PEAK1: variants seen among roughly 807,000 people sequenced by gnomAD.
The protein encoded by PEAK1 is pseudopodium enriched atypical kinase 1, also known as inactive tyrosine-protein kinase PEAK1.
Under a neutral mutation model 124.7 loss-of-function variants are expected in PEAK1, and 54 were observed. The observed-to-expected ratio is 0.43, with a 90% CI of 0.35 to 0.54. The LOEUF is 0.54. PEAK1 is among the 20% of genes least tolerant of loss of function. The probability of loss-of-function intolerance (pLI) is 0.01; values close to 1 mark genes in which losing one functional copy is unlikely to be tolerated. For synonymous variants in PEAK1, 719 were observed against 760.0 expected, an observed-to-expected ratio of 0.95 and a Z score of 0.89; for missense variants, 2,046 against 2,134.5, an observed-to-expected ratio of 0.96 and a Z score of 0.82.
At chr15:77,241,410 A>G (rs942719926) in intron 6 of PEAK1, among the ~76,000 whole-genome samples, 2 of 152,156 alleles carry the variant, frequency 1.3e-5, no homozygotes, top group Non-Finnish European at 2.9e-5. Context: ...TCCTCCTGAA[A>G]AGGGTGCAAG....
chr15:77,366,563 C>T (rs1467843288), intron 1 of PEAK1, among the ~76,000 whole-genome samples: 3 of 151,696 alleles, frequency 2.0e-5, no homozygotes, highest in African/African-American at 7.3e-5. Context: ...TTTTGTTTTT[C>T]GGGTTTTTCT....
At chr15:77,362,623 G>A (rs184889689) in intron 2 of PEAK1, among the ~76,000 whole-genome samples, 28 of 152,198 alleles carry the variant, frequency 1.8e-4, no homozygotes, top group African/African-American at 6.0e-4. Context: ...TGTTAAACAC[G>A]GAGTTATTAA....
At chr15:77,252,721 C>T (rs1320478218) in intron 5 of PEAK1, among the ~76,000 whole-genome samples, 195 bp from the exon 6 acceptor site, 1 of 152,096 alleles carries the variant, frequency 6.6e-6, no homozygotes, top group African/African-American at 2.4e-5. Context: ...CCATGGCATA[C>T]CAAAGAACCA....
At chr15:77,307,287 T>C (rs1161749115) in intron 2 of PEAK1, among the ~76,000 whole-genome samples, 2 of 151,920 alleles carry the variant, frequency 1.3e-5, no homozygotes, top group African/African-American at 4.8e-5. Context: ...CTGGACACAA[T>C]GTTTGGTTAA....
intron 1 of PEAK1, among the ~76,000 whole-genome samples, chr15:77,397,685 A>G (rs970918001): frequency 6.6e-6 from 1 of 152,200 alleles, no homozygotes; most frequent in Non-Finnish European, 1.5e-5. Flanking sequence ...GAAAACCTAG[A>G]AAGGACAAAT....
At chr15:77,407,505 A>G (rs546992536) in intron 1 of PEAK1, among the ~76,000 whole-genome samples, 21 of 152,332 alleles carry the variant, frequency 1.4e-4, no homozygotes, top group African/African-American at 5.1e-4. Flanking sequence ...GCCAACAAAC[A>G]TATGAAAAAA....
At position 77,403,960 on chromosome 15, in the gene PEAK1, C is replaced by A. The variant is rs866806202; in HGVS notation, c.-666+16046G>T. On this transcript the variant is annotated intron_variant, in intron 1 of 9. Coordinates refer to ENST00000682557, the MANE Select transcript of PEAK1 (RefSeq NM_001385026.1). Reference sequence around the variant, plus strand: ...TTTACAAGTTTGTTGCATGGGTAAACTGCGTGTCACAAGGGTTTGGTACAG... The same window carrying A: ...TTTACAAGTTTGTTGCATGGGTAAAATGCGTGTCACAAGGGTTTGGTACAG... 5.8e-5 allele frequency: 56 copies of A among 965,936 alleles called. No homozygotes were observed. In the Middle Eastern group the frequency reaches 3.2e-3, roughly 55 times the overall value. The allele number at this position is 965,936 out of a possible 1,614,324, so 59.8% of individuals were successfully genotyped here.
intron 2 of PEAK1, among the ~76,000 whole-genome samples, chr15:77,298,202 T>G (rs1423894987): frequency 2.0e-4 from 1 of 4,948 alleles, no homozygotes; most frequent in Non-Finnish European, 7.3e-4. Flanking sequence ...CCTTAATTTT[T>G]TTTTTTTTTT....
chr15:77,381,349 T>C (rs2069462392), intron 1 of PEAK1: 1 of 762,296 alleles, frequency 1.3e-6, no homozygotes, highest in Non-Finnish European at 1.6e-6. Context: ...CAGGAGTTAA[T>C]GGCTGTAGTG....
chr15:77,139,794 AAC>A (rs1267397377), intron 8 of PEAK1, among the ~76,000 whole-genome samples: 1 of 152,094 alleles, frequency 6.6e-6, no homozygotes, highest in Admixed American at 6.6e-5. Flanking sequence ...AACAAACAAC[AAC>A]ACACATATAT....
At chr15:77,177,182 C>G (rs1430036732) in intron 7 of PEAK1, among the ~76,000 whole-genome samples, 1 of 152,146 alleles carries the variant, frequency 6.6e-6, no homozygotes, top group Non-Finnish European at 1.5e-5. Flanking sequence ...TCTCGAACTC[C>G]TGATCTCAGG....
Position 77,180,797 on chromosome 15 carries a change from G to C in PEAK1, c.1130C>G (p.Ser377Cys), listed in dbSNP as rs558771678. Residue 377 changes from serine to cysteine, a missense_variant, in exon 7 of 10, where the codon TCT (serine) becomes TGT (cysteine). By Grantham distance (112) the Ser-to-Cys change is moderately radical (BLOSUM62 -1). Coordinates refer to ENST00000682557, the MANE Select transcript of PEAK1 (RefSeq NM_001385026.1). ...GGGCTCAATTTCCTTCATGTCCTTAGAATCTCCTGGGTTACCAGGAGATAA... is the reference window on the plus strand; with the variant it reads ...GGGCTCAATTTCCTTCATGTCCTTACAATCTCCTGGGTTACCAGGAGATAA... ...GGLSPGNPGD[S>C]KDMKEIEPNY... 2 of 1,613,998 alleles carry C rather than the reference G, an allele frequency of 1.2e-6. No individual in the cohort carries two copies. The highest frequency in any genetic ancestry group is 2.2e-5 in the South Asian group (2 of 91,074).
chr15:77,307,504 C>T (rs1308135073), intron 2 of PEAK1, among the ~76,000 whole-genome samples: 1 of 152,050 alleles, frequency 6.6e-6, no homozygotes, highest in Non-Finnish European at 1.5e-5. Flanking sequence ...TCACAAAAGC[C>T]TTCCCTTAGC....
intron 6 of PEAK1, chr15:77,239,920 GT>G: frequency 6.3e-6 from 5 of 790,620 alleles, no homozygotes; most frequent in Non-Finnish European, 7.7e-6. Context: ...CTAATTATAT[GT>G]TTCTGTTTGT....
At chr15:77,186,961 T>C (rs1341775249) in intron 6 of PEAK1, among the ~76,000 whole-genome samples, 1 of 152,192 alleles carries the variant, frequency 6.6e-6, no homozygotes, top group African/African-American at 2.4e-5. Context: ...AACTCCAGTC[T>C]CCAAAGTTAT....
chr15:77,402,442 C>A (rs2071451934), intron 1 of PEAK1: 1 of 985,002 alleles, frequency 1.0e-6, no homozygotes, highest in Non-Finnish European at 1.2e-6. Flanking sequence ...TCTTCAATGT[C>A]ACTGCATATC....
rs943253449 is a variant in PEAK1 at position 77,113,534 on chromosome 15, G to A, written c.*622C>T. On this transcript the variant is annotated 3_prime_UTR_variant, in exon 10 of 10. Transcript: ENST00000682557. ...CCTCCATGCAGTGCACATACTTACA[G>A]ATAATGGCAATGAAAATGGGTCTAT... The A allele has an allele frequency of 6.5e-6, 1 of 154,630 alleles. No individual in the cohort carries two copies. The highest frequency in any genetic ancestry group is 1.4e-5 in the Non-Finnish European group (1 of 69,716). The allele number at this position is 154,630 out of a possible 1,614,324, so 9.6% of individuals were successfully genotyped here. A position where few individuals can be genotyped will look rare whatever the true frequency, so the allele number is the denominator to read the frequency against.
intron 8 of PEAK1, among the ~76,000 whole-genome samples, chr15:77,138,996 C>G (rs2053562943): frequency 6.6e-6 from 1 of 151,968 alleles, no homozygotes; most frequent in Non-Finnish European, 1.5e-5. Context: ...AGTCCTAACC[C>G]CTGGTACATG....
At chr15:77,411,062 TA>T (rs1286733360) in intron 1 of PEAK1, among the ~76,000 whole-genome samples, 2 of 152,170 alleles carry the variant, frequency 1.3e-5, no homozygotes, top group Non-Finnish European at 2.9e-5. Context: ...TAATTATTTT[TA>T]AAATTCTAAA....
Sources: allele counts gnomAD v4.1 joint callset (sites outside exome capture counted in the v4.1 genomes callset), GRCh38; gene constraint gnomAD v4.1.1; transcripts MANE v1.5; gene names NCBI Gene and HGNC (gene_info 2026-07-23, HGNC 2026-07-21).